FLII: variants seen among roughly 807,000 people sequenced by gnomAD.
FLII encodes protein flightless-1 homolog.
In FLII, 101 loss-of-function variants were observed where a neutral mutation model predicts 156.2. The ratio of observed to expected loss-of-function variants is 0.65; its 90% CI spans 0.55 to 0.76. FLII has a LOEUF of 0.76. Among genes scored for constraint, FLII ranks in the 30% least tolerant of loss-of-function variants. The pLI is 0.00. For missense variants in FLII, 1,675 were observed against 1,682.8 expected, an observed-to-expected ratio of 1.00 and a Z score of 0.08; for synonymous variants, 767 against 685.8, an observed-to-expected ratio of 1.12 and a Z score of -1.85.
chr17:18,249,012 G>A (rs2048176474), intron 16 of FLII, 115 bp downstream of exon 16: 1 of 1,368,268 alleles, frequency 7.3e-7, no homozygotes, highest in Admixed American at 1.7e-5. Flanking sequence ...CCCCCGCCAA[G>A]CTCGTGGGCA....
Position 18,253,434 on chromosome 17 carries a change from G to A in FLII, c.880C>T (p.Leu294=), listed in dbSNP as rs768660405. The change falls in exon 9 of 30, where the codon CTG becomes TTG. Residue 294 remains leucine, a synonymous_variant. Transcript: ENST00000327031. The part of the protein sequence containing the change: ...LPSAICKLSK[L]KKLYLNSNKL... The stretch of plus-strand genomic sequence containing the variant: ...TTGGAATTCAGGTACAGCTTCTTCA[G>A]CTTGCTCAGCTTGCAAATGGCTGAC... The A allele has an allele frequency of 6.2e-7, 1 of 1,613,890 alleles. No homozygotes were observed. The highest frequency in any genetic ancestry group is 8.5e-7 in the Non-Finnish European group (1 of 1,180,028).
rs199619741 is a variant in FLII, at chr17:18,250,989, T to C, written c.1625A>G (p.Asn542Ser). ...GCCAATCCAGTAGTAGATCTCCCAG[T>C]TGAGGGAGCCGCTGTCATCCAGAAA... ...KTFLDDSGSLNWEIYYWIGGE... is the reference protein window; with the variant it reads ...KTFLDDSGSLSWEIYYWIGGE... Residue 542 changes from asparagine to serine, a missense_variant, in exon 14 of 30, where the codon AAC becomes AGC. Physicochemically the swap from Asn to Ser is conservative, Grantham distance 46 (BLOSUM62 1). Coordinates refer to ENST00000327031, the MANE Select transcript of FLII (RefSeq NM_002018.4). 4.3e-6 allele frequency: 7 copies of C among 1,613,750 alleles called. No homozygotes were observed. The East Asian group carries it at 1.1e-4, about 26-fold the overall frequency.
At chr17:18,256,670 TCTG>T in intron 2 of FLII, 73 bp from the exon 3 acceptor site, 1 of 1,344,558 alleles carries the variant, frequency 7.4e-7, no homozygotes, top group Non-Finnish European at 1.0e-6. Flanking sequence ...CCTCCACAAC[TCTG>T]CACCATCCAG....
rs768537180 is a variant in FLII, at chr17:18,245,582, G to GTCA, written c.3579_3581dup (p.Asp1194dup). 1 of 1,613,814 alleles carries GTCA rather than the reference G, an allele frequency of 6.2e-7. No homozygotes were observed. The highest frequency in any genetic ancestry group is 1.3e-5 in the African/African-American group (1 of 74,930). On this transcript the variant is annotated inframe_insertion, in exon 28 of 30. Coordinates refer to ENST00000327031, the MANE Select transcript of FLII (RefSeq NM_002018.4). ...CTTGGCCATTGTCTAGCAACATGAT[G>GTCA]TCATCATCTGCCAGGTCATCTTGGC...
intron 3 of FLII, among the ~76,000 whole-genome samples, chr17:18,255,909 C>T (rs947682929): frequency 1.3e-5 from 2 of 152,188 alleles, no homozygotes; most frequent in African/African-American, 2.4e-5. Flanking sequence ...AGTCACATCA[C>T]CAGGAAGTGG....
intron 21 of FLII, 23 bp downstream of exon 21, chr17:18,247,146 C>T (rs1451080725): frequency 1.4e-6 from 2 of 1,420,030 alleles, no homozygotes; most frequent in Admixed American, 4.4e-5. Flanking sequence ...CCCCCCGCGC[C>T]CCGGTCCCGG....
At position 18,246,722 on chromosome 17, in the gene FLII, G is replaced by T. The variant is rs745323823; in HGVS notation, c.2923C>A (p.Gln975Lys). 11 of 1,613,292 alleles carry T rather than the reference G, an allele frequency of 6.8e-6. No homozygotes were observed. Among genetic ancestry groups the T allele is most frequent in the Non-Finnish European group, 8.5e-6 (10 of 1,179,666 alleles). ...ATGCACTGGAAGTCCTCCTCTGGCT[G>T]CTTCTCCTCTGCCTCAGCGGTTGCT... ...EEATAEAEEKQPEEDFQCIVY... is the reference protein window; with the variant it reads ...EEATAEAEEKKPEEDFQCIVY... The change falls in exon 23 of 30, where the codon CAG (glutamine) becomes AAG (lysine). Residue 975 changes from glutamine (Q) to lysine (K), a missense_variant. By Grantham distance (53) the Gln-to-Lys change is moderately conservative. Coordinates refer to ENST00000327031, the MANE Select transcript of FLII (RefSeq NM_002018.4).
At position 18,251,410 on chromosome 17, in the gene FLII, C is replaced by T. The variant is rs755672658; in HGVS notation, c.1451G>A (p.Arg484His). ...RRWDQGLEKP[R>H]LDYSEFFTED... Reference sequence around the variant, plus strand: ...CGTGAAGAACTCGGAGTAGTCAAGGCGGGGCTTCTCCAGGCCCTGGTCCCA... The same window carrying T: ...CGTGAAGAACTCGGAGTAGTCAAGGTGGGGCTTCTCCAGGCCCTGGTCCCA... The change falls in exon 13 of 30, where the codon CGC becomes CAC. Residue 484 changes from arginine to histidine, a missense_variant. By Grantham distance (29) the Arg-to-His change is conservative (BLOSUM62 0). This residue lies in a region of FLII where 1,332 missense variants were observed against 1,269.3 expected (regional missense o/e 1.05). Transcript: ENST00000327031. 6.2e-5 allele frequency: 100 copies of T among 1,613,086 alleles called. No individual in the cohort carries two copies. The highest frequency in any genetic ancestry group is 7.6e-5 in the Non-Finnish European group (90 of 1,179,930).
At chr17:18,247,511 T>G (rs1302907972) in intron 20 of FLII, 146 bp downstream of exon 20, 56 of 1,037,082 alleles carry the variant, frequency 5.4e-5, no homozygotes, top group Non-Finnish European at 7.3e-5. Flanking sequence ...AGGGGCAGCT[T>G]GCAGAGGGGG....
At position 18,257,035 on chromosome 17, in the gene FLII, C is replaced by G. The variant is rs370885483; in HGVS notation, c.64-16G>C. ...AGTAGCCGCCCTGGGGGAAGGATGT[C>G]AAGGTGAAGCACAGAGCCCCTGCTC... On this transcript the variant is annotated splice_polypyrimidine_tract_variant and intron_variant, in intron 1 of 29. Coordinates refer to ENST00000327031, the MANE Select transcript of FLII (RefSeq NM_002018.4). 15 of 1,555,092 alleles carry G rather than the reference C, an allele frequency of 9.6e-6. No individual in the cohort carries two copies. The highest frequency in any genetic ancestry group is 3.3e-4 in the Middle Eastern group (2 of 5,974).
intron 4 of FLII, 66 bp from the exon 5 acceptor site, chr17:18,254,920 G>A: frequency 6.5e-7 from 1 of 1,532,850 alleles, no homozygotes; most frequent in South Asian, 1.1e-5. Context: ...GCCAAGCTTG[G>A]GGATCAGGCA....
At chr17:18,256,751 T>C (rs2048430309) in intron 2 of FLII, 154 bp from the exon 3 acceptor site, 2 of 797,618 alleles carry the variant, frequency 2.5e-6, no homozygotes, top group East Asian at 5.4e-5. Context: ...GGCCTCTTCT[T>C]GCACACCTCC....
chr17:18,245,236 G>A lies in FLII; in HGVS notation c.3712C>T (p.Arg1238Trp), dbSNP rs138406094. Residue 1238 changes from arginine to tryptophan, a missense_variant, in exon 30 of 30, where the codon CGG becomes TGG. By Grantham distance (101) the Arg-to-Trp change is moderately radical. Around this residue, in one of 2 missense-constraint regions of FLII, gnomAD observed 1,332 missense variants for 1,269.3 expected, o/e 1.05. Coordinates refer to ENST00000327031, the MANE Select transcript of FLII (RefSeq NM_002018.4). The stretch of plus-strand genomic sequence containing the variant: ...CGGACCAGGCGCAGCCGGCGCGGCC[G>A]CTCATGTTCCTTGGACCGCATGTGC... ...IQHMRSKEHERPRRLRLVRKG... is the reference protein window; with the variant it reads ...IQHMRSKEHEWPRRLRLVRKG... 6.0e-5 allele frequency: 97 copies of A among 1,613,796 alleles called. No homozygotes were observed. Among genetic ancestry groups the A allele is most frequent in the Middle Eastern group, 1.7e-4 (1 of 6,060 alleles).
chr17:18,255,409 TCTCC>T lies in FLII; in HGVS notation c.247-150_247-147del, dbSNP rs1452932498. ...TCTGGCCTTTGATCAAATAGCTCCC[TCTCC>T]TGGAGCGCTCTTCCTAGCCTCCCAG... On this transcript the variant is annotated intron_variant, in intron 3 of 29. Coordinates refer to ENST00000327031, the MANE Select transcript of FLII (RefSeq NM_002018.4). 4.6e-6 allele frequency: 3 copies of T among 655,742 alleles called. No individual in the cohort carries two copies. In the African/African-American group the frequency reaches 5.5e-5, roughly 12 times the overall value. 40.6% of individuals were successfully genotyped at this position (655,742 alleles called of 1,614,324 possible).
intron 14 of FLII, among the ~76,000 whole-genome samples, chr17:18,250,140 G>A (rs1190955248): frequency 6.6e-6 from 1 of 152,074 alleles, no homozygotes; most frequent in Non-Finnish European, 1.5e-5. Context: ...ATACACATCT[G>A]TGTCTATAAA....
chr17:18,252,671 GTCTCCAT>G (rs1442324680), intron 9 of FLII, 115 bp from the exon 10 acceptor site: 1 of 778,470 alleles, frequency 1.3e-6, no homozygotes, highest in African/African-American at 1.7e-5. Context: ...ACTGGCGGGG[GTCTCCAT>G]TCTCTGCCTG....
intron 9 of FLII, among the ~76,000 whole-genome samples, 165 bp downstream of exon 9, chr17:18,253,136 C>T (rs539982174): frequency 3.9e-5 from 6 of 152,256 alleles, no homozygotes; most frequent in East Asian, 3.9e-4. Flanking sequence ...GGCGACAGAG[C>T]GAGACTCTGT....
At chr17:18,252,662 C>G in intron 9 of FLII, 106 bp from the exon 10 acceptor site, 1 of 836,738 alleles carries the variant, frequency 1.2e-6, no homozygotes, top group Admixed American at 1.9e-5. Context: ...GTCAGAGGAA[C>G]TGGCGGGGGT....
intron 16 of FLII, 101 bp from the exon 17 acceptor site, chr17:18,248,984 T>G (rs1459696632): frequency 2.1e-6 from 3 of 1,407,332 alleles, no homozygotes; most frequent in Non-Finnish European, 3.0e-6. Context: ...ATGGGGTTTC[T>G]GGGTAAGCCC....
Sources: gnomAD v4.1 joint callset for allele counts (sites outside exome capture counted in the v4.1 genomes callset) on GRCh38, gnomAD v4.1.1 for gene constraint, gnomAD v4.1.1 regional missense constraint, MANE v1.5 for transcripts, NCBI Gene and HGNC (gene_info 2026-07-23, HGNC 2026-07-21) for gene names.